The following ZCCHC4 variants were observed in gnomAD, a reference collection of about 807,000 sequenced individuals.
ZCCHC4 encodes the protein rRNA N(6)-adenosine-methyltransferase ZCCHC4.
A neutral mutation model predicts 67.7 loss-of-function variants in ZCCHC4; 54 were observed. That is an observed-to-expected ratio of 0.80 (90% CI 0.64 to 1.00). ZCCHC4 has a LOEUF of 1.00. ZCCHC4 is among the 50% of genes least tolerant of loss of function. The pLI is 0.00. For missense variants in ZCCHC4, 609 were observed against 617.0 expected (o/e 0.99, Z 0.14); for synonymous variants, 198 against 213.5 (o/e 0.93, Z 0.63).
rs140781023 is a variant in ZCCHC4 at position 25,336,676 on chromosome 4, G to A, written c.686+2688G>A. Reference sequence around the variant, plus strand: ...TAATTTTTGTATTTTTAGTAGAGAGGGGATTTCACCATGTTGGCCAGGCTG... The same window carrying A: ...TAATTTTTGTATTTTTAGTAGAGAGAGGATTTCACCATGTTGGCCAGGCTG... On this transcript the variant is annotated intron_variant, in intron 5 of 12. Coordinates refer to ENST00000302874, the MANE Select transcript of ZCCHC4 (RefSeq NM_024936.3). 9.9e-5 allele frequency among the ~76,000 whole-genome samples: 15 copies of A among 152,212 alleles called. 1 individual carries two copies. The East Asian group carries it at 2.9e-3, about 29-fold the overall frequency.
chr4:25,356,734 A>G (rs1418395199), intron 8 of ZCCHC4, among the ~76,000 whole-genome samples: 1 of 152,150 alleles, frequency 6.6e-6, no homozygotes, highest in African/African-American at 2.4e-5. Flanking sequence ...TGAGTTTAAT[A>G]AGGTACCGTA....
chr4:25,322,799 T>A (rs1408345841), intron 3 of ZCCHC4, among the ~76,000 whole-genome samples: 1 of 152,214 alleles, frequency 6.6e-6, no homozygotes, highest in Non-Finnish European at 1.5e-5. Context: ...ATTACAGGCA[T>A]GAACCGCTGC....
intron 2 of ZCCHC4, among the ~76,000 whole-genome samples, chr4:25,314,868 T>C (rs1718170287): frequency 6.6e-6 from 1 of 152,204 alleles, no homozygotes; most frequent in South Asian, 2.1e-4. Context: ...ACATTTGCAT[T>C]GAACATCCCT....
chr4:25,325,170 G>A (rs142037868), intron 3 of ZCCHC4, among the ~76,000 whole-genome samples: 1,870 of 90,380 alleles, frequency 0.021, 230 homozygotes, highest in East Asian at 0.17. Flanking sequence ...GTGAATCCCG[G>A]GAGGCGGAGC....
At chr4:25,356,138 T>C (rs975178536) in intron 8 of ZCCHC4, among the ~76,000 whole-genome samples, 2 of 152,212 alleles carry the variant, frequency 1.3e-5, no homozygotes, top group Admixed American at 6.5e-5. Flanking sequence ...ATTTTGTGCT[T>C]TCCCTCATTT....
Position 25,314,125 on chromosome 4 carries a change from T to C in ZCCHC4, c.207T>C (p.Asp69=), listed in dbSNP as rs1718114631. The C allele has an allele frequency of 1.2e-6, 2 of 1,609,242 alleles. No homozygotes were observed. The highest frequency in any genetic ancestry group is 1.1e-5 in the South Asian group (1 of 90,222). ...TTTATGCCTGTTCAGCCTGTAGAGA[T>C]AGAAAAGACTGTAATTTTTTTCAGT... ...RRFYACSACR[D]RKDCNFFQWE... is the part of the protein sequence containing the mutation. Residue 69 remains aspartate, a synonymous_variant, in exon 2 of 13, where the codon GAT becomes GAC. Transcript: ENST00000302874.
At chr4:25,339,874 A>G (rs1253963492) in intron 5 of ZCCHC4, among the ~76,000 whole-genome samples, 1 of 142,410 alleles carries the variant, frequency 7.0e-6, no homozygotes, top group Non-Finnish European at 1.5e-5. Flanking sequence ...CTATTTTGAG[A>G]TTTTTTTTTT....
At chr4:25,332,192 C>T (rs1719216791) in intron 3 of ZCCHC4, among the ~76,000 whole-genome samples, 1 of 151,648 alleles carries the variant, frequency 6.6e-6, no homozygotes, top group Non-Finnish European at 1.5e-5. Flanking sequence ...CATGTAGTCC[C>T]AGCTACTTGG....
intron 8 of ZCCHC4, among the ~76,000 whole-genome samples, chr4:25,358,745 G>A (rs980730619): frequency 4.6e-5 from 7 of 152,296 alleles, no homozygotes; most frequent in South Asian, 2.1e-4. Flanking sequence ...TAACCACACC[G>A]CAGGTGCATT....
chr4:25,328,800 C>T (rs1224956669), intron 3 of ZCCHC4, among the ~76,000 whole-genome samples: 1 of 151,902 alleles, frequency 6.6e-6, no homozygotes, highest in Non-Finnish European at 1.5e-5. Flanking sequence ...CCATGCTGGT[C>T]TCGAACTCCT....
intron 3 of ZCCHC4, among the ~76,000 whole-genome samples, chr4:25,327,113 T>G (rs536827569): frequency 1.3e-5 from 2 of 152,360 alleles, no homozygotes; most frequent in Admixed American, 6.5e-5. Flanking sequence ...ATTTTGTACA[T>G]GTGTGATCAT....
At chr4:25,327,298 A>G (rs577549546) in intron 3 of ZCCHC4, among the ~76,000 whole-genome samples, 1 of 152,256 alleles carries the variant, frequency 6.6e-6, no homozygotes, top group Admixed American at 6.5e-5. Flanking sequence ...TTTCAGCTGT[A>G]TGGTGTTAGC....
intron 8 of ZCCHC4, among the ~76,000 whole-genome samples, chr4:25,356,570 C>G (rs1398879983): frequency 6.6e-6 from 1 of 151,552 alleles, no homozygotes; most frequent in African/African-American, 2.4e-5. Flanking sequence ...TTTTTTCCCT[C>G]TCTTCCATCT....
chr4:25,351,254 G>T (rs760566794), intron 7 of ZCCHC4, among the ~76,000 whole-genome samples: 1 of 152,150 alleles, frequency 6.6e-6, no homozygotes, highest in Non-Finnish European at 1.5e-5. Context: ...TCCTTTCACT[G>T]CATCATGACT....
chr4:25,349,729 T>C (rs1254559530), intron 7 of ZCCHC4, 87 bp downstream of exon 7: 1 of 1,366,782 alleles, frequency 7.3e-7, no homozygotes, highest in Non-Finnish European at 1.0e-6. Context: ...ATCAGAGCAG[T>C]GATAGAATAT....
At chr4:25,344,287 A>G (rs572275304) in intron 5 of ZCCHC4, among the ~76,000 whole-genome samples, 2 of 152,078 alleles carry the variant, frequency 1.3e-5, no homozygotes, top group Non-Finnish European at 2.9e-5. Flanking sequence ...ATGCAGCCAT[A>G]AAAAATGATG....
At chr4:25,368,913 T>C in intron 12 of ZCCHC4, 116 bp from the exon 13 acceptor site, 2 of 1,251,770 alleles carry the variant, frequency 1.6e-6, no homozygotes, top group Non-Finnish European at 2.2e-6. Flanking sequence ...TGCAATACAG[T>C]AGATTCTTTC....
At position 25,333,425 on chromosome 4, in the gene ZCCHC4, G is replaced by C; in HGVS notation, c.572G>C (p.Gly191Ala). The change falls in exon 4 of 13, where the codon GGA becomes GCA. Residue 191 changes from glycine to alanine, a missense_variant. Gly to Ala is a moderately conservative substitution (Grantham distance 60, BLOSUM62 0). Transcript: ENST00000302874. ...QFLVDLLSALGFRRVLCVGTP... is the reference protein window; with the variant it reads ...QFLVDLLSALAFRRVLCVGTP... Reference sequence around the variant, plus strand: ...TTGGTAGACTTACTTTCTGCCCTCGGATTCAGAAGAGTACTGTGTGTTGGA... The same window carrying C: ...TTGGTAGACTTACTTTCTGCCCTCGCATTCAGAAGAGTACTGTGTGTTGGA... The C allele has an allele frequency of 6.2e-7, 1 of 1,614,136 alleles. No individual in the cohort carries two copies.
At chr4:25,323,120 C>T (rs1963656) in intron 3 of ZCCHC4, among the ~76,000 whole-genome samples, 65,280 of 152,050 alleles carry the variant, frequency 0.43, 16,163 homozygotes, top group Non-Finnish European at 0.56. Flanking sequence ...CAAAGCTCCC[C>T]ATCAGCCCTT....
Sources: gnomAD v4.1 joint callset for allele counts (sites outside exome capture counted in the v4.1 genomes callset) on GRCh38, gnomAD v4.1.1 for gene constraint, MANE v1.5 for transcripts, NCBI Gene and HGNC (gene_info 2026-07-23, HGNC 2026-07-21) for gene names.